Variants in RBFOX1 observed in about 807,000 individuals in gnomAD.
The protein encoded by RBFOX1 is RNA binding protein fox-1 homolog 1.
RBFOX1 carries 8 observed loss-of-function variants against 57.7 expected under a neutral mutation model. That is an observed-to-expected ratio of 0.14 (90% CI 0.08 to 0.25). The LOEUF is 0.25. RBFOX1 is among the 10% of genes least tolerant of loss of function. RBFOX1 has a pLI of 1.00. For synonymous variants in RBFOX1, 326 were observed against 222.4 expected, an observed-to-expected ratio of 1.47 and a Z score of -4.15; for missense variants, 611 against 548.5, an observed-to-expected ratio of 1.11 and a Z score of -1.14.
At chr16:5,525,042 A>G (rs2044184703) in intron 2 of RBFOX1, among the ~76,000 whole-genome samples, 1 of 152,146 alleles carries the variant, frequency 6.6e-6, no homozygotes, top group Admixed American at 6.5e-5. Flanking sequence ...ACACAACTTA[A>G]CATTCATTAG....
chr16:5,425,251 G>T (rs1236947673), intron 1 of RBFOX1, among the ~76,000 whole-genome samples: 3 of 151,782 alleles, frequency 2.0e-5, no homozygotes, highest in Non-Finnish European at 4.4e-5. Context: ...GATTATAGAC[G>T]TGCACCACCA....
rs887442893 is a variant in RBFOX1, at chr16:6,032,664, A to AT, written c.-127+12682dup. The stretch of plus-strand genomic sequence containing the variant: ...GATGTCAGTGTGCCCTTGCCATTTG[A>AT]TTTTTTTTTTAAAGCAACATTAATT... On this transcript the variant is annotated intron_variant, in intron 1 of 15. Transcript: ENST00000550418. Among the ~76,000 whole-genome samples the AT allele has an allele frequency of 1.6e-3, 239 of 150,542 alleles. 1 individual carries two copies. Among genetic ancestry groups the AT allele is most frequent in the African/African-American group, 5.0e-3 (206 of 41,114 alleles).
chr16:6,264,994 G>A (rs2074295002), intron 1 of RBFOX1, among the ~76,000 whole-genome samples: 1 of 152,120 alleles, frequency 6.6e-6, no homozygotes, highest in South Asian at 2.1e-4. Context: ...ACCCAACCTC[G>A]TCCTGCCTCC....
At chr16:5,654,950 C>T (rs117566906) in intron 3 of RBFOX1, among the ~76,000 whole-genome samples, 1 of 152,166 alleles carries the variant, frequency 6.6e-6, no homozygotes, top group Non-Finnish European at 1.5e-5. Context: ...ACAGCTCCCC[C>T]CCAGCAAGTA....
chr16:5,297,703 T>C (rs1222597394), intron 1 of RBFOX1, among the ~76,000 whole-genome samples: 1 of 152,332 alleles, frequency 6.6e-6, no homozygotes, highest in East Asian at 1.9e-4. Context: ...GTTTCTTCAT[T>C]GAAGGAGTTT....
intron 4 of RBFOX1, among the ~76,000 whole-genome samples, chr16:7,176,187 C>T (rs1345225294): frequency 8.5e-6 from 1 of 117,608 alleles, no homozygotes; most frequent in African/African-American, 3.7e-5. Flanking sequence ...ACTGTGTTAG[C>T]TTTGGTTAAT....
chr16:7,217,432 A>G (rs1358420891), intron 4 of RBFOX1, among the ~76,000 whole-genome samples: 2 of 151,630 alleles, frequency 1.3e-5, no homozygotes, highest in Non-Finnish European at 2.9e-5. Context: ...TCCAGCCAGG[A>G]AAACTACAGC....
chr16:7,222,301 G>A lies in RBFOX1; in HGVS notation c.27+170203G>A, dbSNP rs116290362. 1.8e-3 allele frequency among the ~76,000 whole-genome samples: 267 copies of A among 152,314 alleles called. 1 individual carries two copies. Among genetic ancestry groups the A allele is most frequent in the African/African-American group, 6.1e-3 (255 of 41,568 alleles). ...GTAAGATATAATACTACACTAGACAGGCAAGCAGACCTAATGTGCAAAGTC... is the reference window on the plus strand; with the variant it reads ...GTAAGATATAATACTACACTAGACAAGCAAGCAGACCTAATGTGCAAAGTC... On this transcript the variant is annotated intron_variant, in intron 4 of 15. Transcript: ENST00000550418.
At chr16:5,770,310 C>T (rs952438461) in intron 3 of RBFOX1, among the ~76,000 whole-genome samples, 6 of 152,182 alleles carry the variant, frequency 3.9e-5, no homozygotes, top group African/African-American at 1.4e-4. Context: ...TCTCTAGCTG[C>T]CCTCACTGCT....
intron 2 of RBFOX1, among the ~76,000 whole-genome samples, chr16:6,654,235 A>C (rs942054562): frequency 6.6e-6 from 1 of 152,164 alleles, no homozygotes; most frequent in Non-Finnish European, 1.5e-5. Context: ...ATATCTGACT[A>C]TCCTAAATTT....
intron 3 of RBFOX1, among the ~76,000 whole-genome samples, chr16:6,818,923 C>T (rs766908965): frequency 6.6e-6 from 1 of 152,206 alleles, no homozygotes; most frequent in Non-Finnish European, 1.5e-5. Context: ...GCATGCTGAA[C>T]TGATAGAATG....
chr16:7,074,647 CA>C (rs1378622222), intron 4 of RBFOX1, among the ~76,000 whole-genome samples: 1 of 151,838 alleles, frequency 6.6e-6, no homozygotes, highest in Non-Finnish European at 1.5e-5. Context: ...GACAATGGGA[CA>C]AAAAACCATT....
At chr16:6,830,728 G>A (rs1333108471) in intron 3 of RBFOX1, among the ~76,000 whole-genome samples, 1 of 152,130 alleles carries the variant, frequency 6.6e-6, no homozygotes, top group Non-Finnish European at 1.5e-5. Context: ...GTTAAAATAT[G>A]GTTCTCTACT....
At chr16:5,603,888 G>A (rs746151493), downstream of RBFOX1, among the ~76,000 whole-genome samples, 13 of 152,134 alleles carry the variant, frequency 8.5e-5, no homozygotes, top group African/African-American at 2.4e-4. Flanking sequence ...CGTAAGAACC[G>A]CACTATTATT....
intron 2 of RBFOX1, among the ~76,000 whole-genome samples, chr16:6,361,181 C>T (rs966702567): frequency 1.3e-5 from 2 of 152,134 alleles, no homozygotes; most frequent in African/African-American, 4.8e-5. Flanking sequence ...ATCACTGAAA[C>T]AGGCTCAAAA....
intron 2 of RBFOX1, among the ~76,000 whole-genome samples, chr16:5,498,366 C>A (rs1210133808): frequency 2.0e-5 from 3 of 152,032 alleles, no homozygotes; most frequent in African/African-American, 7.2e-5. Flanking sequence ...CTGGTCTCAA[C>A]CTCCTGAACT....
chr16:7,134,407 T>A (rs1359153423), intron 4 of RBFOX1, among the ~76,000 whole-genome samples: 1 of 152,214 alleles, frequency 6.6e-6, no homozygotes, highest in Non-Finnish European at 1.5e-5. Flanking sequence ...TGGTGATTAC[T>A]TCTTCAGGCA....
chr16:5,257,860 A>T (rs1023291281), intron 1 of RBFOX1, among the ~76,000 whole-genome samples: 2 of 151,894 alleles, frequency 1.3e-5, no homozygotes, highest in African/African-American at 2.4e-5. Context: ...GTGGGGGGGA[A>T]ATGGGATCAA....
chr16:6,325,025 A>G (rs924239416), intron 2 of RBFOX1, among the ~76,000 whole-genome samples: 3 of 152,164 alleles, frequency 2.0e-5, no homozygotes, highest in Admixed American at 6.6e-5. Flanking sequence ...TAATATTAAT[A>G]TAATTTGATC....
Sources: gnomAD v4.1 joint callset for allele counts (sites outside exome capture counted in the v4.1 genomes callset) on GRCh38, gnomAD v4.1.1 for gene constraint, MANE v1.5 for transcripts, NCBI Gene and HGNC (gene_info 2026-07-23, HGNC 2026-07-21) for gene names.